MYO5C: variants seen among roughly 807,000 people sequenced by gnomAD.
MYO5C encodes the protein myosin VC, also known as unconventional myosin-Vc.
Under a neutral mutation model 235.7 loss-of-function variants are expected in MYO5C, and 194 were observed. That is an observed-to-expected ratio of 0.82 (90% CI 0.73 to 0.93). The LOEUF is 0.93. Ranked by LOEUF, MYO5C falls within the 40% of genes least tolerant of loss-of-function variation. The pLI is 0.00. For missense variants in MYO5C, 2,038 were observed against 2,127.2 expected (o/e 0.96, Z 0.82); for synonymous variants, 707 against 754.8 (o/e 0.94, Z 1.04).
Position 52,205,814 on chromosome 15 carries a change from A to G in MYO5C, c.4537+2T>C. 6.5e-7 allele frequency: 1 copy of G among 1,541,254 alleles called. No homozygotes were observed. The highest frequency in any genetic ancestry group is 1.7e-4 in the Middle Eastern group (1 of 5,808). ...TTTTTTGGTCATCCATTCTCTTCTTACCTATTATCGGTTGGATATTCTTTT... is the reference window on the plus strand; with the variant it reads ...TTTTTTGGTCATCCATTCTCTTCTTGCCTATTATCGGTTGGATATTCTTTT... On this transcript the variant is annotated splice_donor_variant, in intron 37 of 40. Coordinates refer to ENST00000261839, the MANE Select transcript of MYO5C (RefSeq NM_018728.4). LOFTEE classifies it high-confidence loss of function.
chr15:52,283,323 T>C (rs2037198767), intron 1 of MYO5C, among the ~76,000 whole-genome samples: 2 of 152,246 alleles, frequency 1.3e-5, no homozygotes, highest in South Asian at 4.1e-4. Flanking sequence ...ACCAGTTCCC[T>C]GGGAGGTTAA....
rs201143248 is a variant in MYO5C, at chr15:52,205,053, G to A, written c.4632C>T (p.Asp1544=). Reference sequence around the variant, plus strand: ...GCAGGACGGAGGTCATGGTGTAGCCGTCCGTGTCGTCTATGCTAGAGGAGC... The same window carrying A: ...GCAGGACGGAGGTCATGGTGTAGCCATCCGTGTCGTCTATGCTAGAGGAGC... ...RKRSSSIDDT[D]GYTMTSVLQQ... The change falls in exon 38 of 41, where the codon GAC becomes GAT. Residue 1544 remains aspartate, a synonymous_variant. Coordinates refer to ENST00000261839, the MANE Select transcript of MYO5C (RefSeq NM_018728.4). The A allele has an allele frequency of 8.1e-6, 13 of 1,614,110 alleles. No homozygotes were observed. Among genetic ancestry groups the A allele is most frequent in the Non-Finnish European group, 9.3e-6 (11 of 1,180,036 alleles).
intron 2 of MYO5C, 72 bp downstream of exon 2, chr15:52,282,710 G>A: frequency 1.8e-6 from 2 of 1,094,724 alleles, no homozygotes; most frequent in South Asian, 2.5e-5. Context: ...GGGTCCACGT[G>A]CTCCCATCCT....
intron 1 of MYO5C, among the ~76,000 whole-genome samples, chr15:52,286,252 T>A (rs7169117): frequency 6.7e-6 from 1 of 149,614 alleles, no homozygotes; most frequent in Non-Finnish European, 1.5e-5. Context: ...GCCAGCCGCC[T>A]CGTCTGGGAG....
intron 21 of MYO5C, 49 bp downstream of exon 21, chr15:52,239,684 C>T: frequency 1.3e-6 from 2 of 1,544,698 alleles, no homozygotes; most frequent in Non-Finnish European, 1.8e-6. Context: ...GAACAAACTA[C>T]AGCCATGTAA....
chr15:52,269,760 C>T lies in MYO5C; in HGVS notation c.933G>A (p.Thr311=), dbSNP rs747857631. Residue 311 remains threonine, a synonymous_variant, in exon 8 of 41, where the codon ACG becomes ACA. Coordinates refer to ENST00000261839, the MANE Select transcript of MYO5C (RefSeq NM_018728.4). The part of the protein sequence containing the change: ...AEMVETQKTF[T]LLGFKEDFQM... ...TGGGATATTTTCCCTTACCCAGAAGCGTGAAGGTCTTTTGAGTCTCTACCA... is the reference window on the plus strand; with the variant it reads ...TGGGATATTTTCCCTTACCCAGAAGTGTGAAGGTCTTTTGAGTCTCTACCA... The T allele has an allele frequency of 9.3e-5, 150 of 1,604,452 alleles. 1 individual carries two copies. Among genetic ancestry groups the T allele is most frequent in the Middle Eastern group, 4.9e-4 (3 of 6,068 alleles).
intron 36 of MYO5C, 74 bp from the exon 37 acceptor site, chr15:52,206,040 T>C (rs2035304747): frequency 2.2e-6 from 2 of 915,628 alleles, no homozygotes; most frequent in Non-Finnish European, 3.1e-6. Context: ...CTACTATAAC[T>C]CTTTTACCTT....
At chr15:52,206,076 A>G (rs1333137739) in intron 36 of MYO5C, 110 bp from the exon 37 acceptor site, 36 of 691,738 alleles carry the variant, frequency 5.2e-5, no homozygotes, top group Non-Finnish European at 7.1e-5. Context: ...ATTTATATCA[A>G]ATGAGTTCAT....
chr15:52,204,242 C>T (rs2035249693), intron 38 of MYO5C, among the ~76,000 whole-genome samples: 2 of 151,874 alleles, frequency 1.3e-5, no homozygotes, highest in African/African-American at 2.4e-5. Flanking sequence ...TCCTGCTGCT[C>T]CCCACACCAG....
At chr15:52,235,290 GTTTTCTAAAATTACGGA>G (rs2036053869) in intron 23 of MYO5C, among the ~76,000 whole-genome samples, 1 of 152,086 alleles carries the variant, frequency 6.6e-6, no homozygotes, top group Non-Finnish European at 1.5e-5. Flanking sequence ...TACCGTAAAG[GTTTTCTAAAATTACGGA>G]TGTCTGAACC....
chr15:52,210,056 C>T (rs766496874), intron 35 of MYO5C, among the ~76,000 whole-genome samples: 5 of 152,126 alleles, frequency 3.3e-5, no homozygotes, highest in East Asian at 1.9e-4. Context: ...CTCTGCCTTC[C>T]GGGCTCAAGT....
intron 1 of MYO5C, among the ~76,000 whole-genome samples, chr15:52,293,569 G>A (rs1357238990): frequency 6.6e-6 from 1 of 151,824 alleles, no homozygotes; most frequent in Non-Finnish European, 1.5e-5. Context: ...TTCACTCAAG[G>A]GCACCACCCT....
At position 52,205,840 on chromosome 15, in the gene MYO5C, C is replaced by A. The variant is rs998778761; in HGVS notation, c.4513G>T (p.Glu1505Ter). ...CCTATTATCGGTTGGATATTCTTTT[C>A]CATTATGATAATAAATTGATGATAT... ...RIYHQFIIIM[E>*]KNIQPIIVPG... Residue 1505 changes from glutamate (E) to a stop codon, truncating the protein, a stop_gained, in exon 37 of 41, where the codon GAA becomes TAA. Transcript: ENST00000261839. LOFTEE classifies it high-confidence loss of function. 1.3e-6 allele frequency: 2 copies of A among 1,571,698 alleles called. No homozygotes were observed. The highest frequency in any genetic ancestry group is 8.7e-7 in the Non-Finnish European group (1 of 1,152,590).
At chr15:52,228,147 A>ATTT (rs770508125) in intron 25 of MYO5C, among the ~76,000 whole-genome samples, 1 of 145,750 alleles carries the variant, frequency 6.9e-6, no homozygotes. Context: ...ACAGGTAACA[A>ATTT]TTTTTTTTTT....
At chr15:52,224,606 T>C (rs535192024) in intron 28 of MYO5C, among the ~76,000 whole-genome samples, 2 of 152,374 alleles carry the variant, frequency 1.3e-5, no homozygotes, top group African/African-American at 4.8e-5. Flanking sequence ...ATGCAGCACA[T>C]GCCTTAAATT....
intron 4 of MYO5C, chr15:52,278,002 C>T (rs2037088660): frequency 2.2e-6 from 1 of 454,832 alleles, no homozygotes; most frequent in African/African-American, 2.0e-5. Context: ...TCAGCAGGTC[C>T]AGGTCCTGTG....
chr15:52,247,379 G>A (rs897001822), intron 15 of MYO5C, 79 bp downstream of exon 15: 8 of 1,492,954 alleles, frequency 5.4e-6, no homozygotes, highest in Admixed American at 4.1e-5. Flanking sequence ...GGCCTGGAAT[G>A]CGGGTCCTCT....
At chr15:52,269,694 A>ATTTT in intron 8 of MYO5C, 59 bp downstream of exon 8, 2 of 1,015,538 alleles carry the variant, frequency 2.0e-6, no homozygotes, top group Non-Finnish European at 2.9e-6. Flanking sequence ...CCTGGCCTTA[A>ATTTT]TTTTTTTTTT....
chr15:52,293,031 G>A lies in MYO5C; in HGVS notation c.27+2579C>T, dbSNP rs549402980. Reference sequence around the variant, plus strand: ...GCAATGGGAGCCTCTAGAGGTGGTAGAGCAGAGAATGCCAGACCGGCTCTT... The same window carrying A: ...GCAATGGGAGCCTCTAGAGGTGGTAAAGCAGAGAATGCCAGACCGGCTCTT... On this transcript the variant is annotated intron_variant, in intron 1 of 40. Transcript: ENST00000261839. 1.6e-4 allele frequency among the ~76,000 whole-genome samples: 25 copies of A among 152,362 alleles called. No individual in the cohort carries two copies. In the East Asian group the frequency reaches 4.6e-3, roughly 28 times the overall value.
Sources: gnomAD v4.1 joint callset for allele counts (sites outside exome capture counted in the v4.1 genomes callset) on GRCh38, gnomAD v4.1.1 for gene constraint, MANE v1.5 for transcripts, NCBI Gene and HGNC (gene_info 2026-07-23, HGNC 2026-07-21) for gene names.